TTC27: variants seen among roughly 807,000 people sequenced by gnomAD.
The protein encoded by TTC27 is tetratricopeptide repeat domain 27.
Under a neutral mutation model 115.9 loss-of-function variants are expected in TTC27, and 79 were observed. The ratio of observed to expected loss-of-function variants is 0.68; its 90% CI spans 0.57 to 0.82. The LOEUF (loss-of-function observed/expected upper bound fraction) is 0.82, where lower values mean the gene tolerates loss of function less well. Among genes scored for constraint, TTC27 ranks in the 40% least tolerant of loss-of-function variants. The pLI is 0.00. For missense variants in TTC27, 1,054 were observed against 993.1 expected (o/e 1.06, Z -0.82); for synonymous variants, 401 against 356.0 (o/e 1.13, Z -1.42).
intron 9 of TTC27, among the ~76,000 whole-genome samples, chr2:32,688,606 T>C (rs1014611589): frequency 6.6e-6 from 1 of 152,086 alleles, no homozygotes; most frequent in Non-Finnish European, 1.5e-5. Flanking sequence ...GATAAAATAT[T>C]TGAACAGACA....
intron 10 of TTC27, among the ~76,000 whole-genome samples, chr2:32,725,406 G>A (rs1251527266): frequency 1.3e-5 from 2 of 151,872 alleles, no homozygotes; most frequent in Non-Finnish European, 2.9e-5. Flanking sequence ...TTCCAAATGG[G>A]AGAAATTGAC....
chr2:32,661,186 T>G (rs896266434), intron 5 of TTC27, among the ~76,000 whole-genome samples: 3 of 152,208 alleles, frequency 2.0e-5, no homozygotes, highest in Admixed American at 2.0e-4. Context: ...GCAGTATAGT[T>G]TGAAGTCAGG....
chr2:32,765,777 A>C (rs533826294), intron 13 of TTC27, among the ~76,000 whole-genome samples: 10 of 152,270 alleles, frequency 6.6e-5, no homozygotes, highest in Non-Finnish European at 1.5e-4. Flanking sequence ...TTCATTGTGC[A>C]CTTTTATGTT....
Position 32,672,342 on chromosome 2 carries a change from C to T in TTC27, c.1010C>T (p.Pro337Leu), listed in dbSNP as rs377484688. Residue 337 changes from proline (P) to leucine (L), a missense_variant, in exon 8 of 20, where the codon CCG (proline) becomes CTG (leucine). Coordinates refer to ENST00000317907, the MANE Select transcript of TTC27 (RefSeq NM_017735.5). ...GCAGATTGTGAACAGTTCCAGATGCCGGATCTGTGTGCTGAAGAGATCGCT... is the reference window on the plus strand; with the variant it reads ...GCAGATTGTGAACAGTTCCAGATGCTGGATCTGTGTGCTGAAGAGATCGCT... ...KLADCEQFQM[P>L]DLCAEEIAII... is the part of the protein sequence containing the mutation. 107 of 1,613,674 alleles carry T rather than the reference C, an allele frequency of 6.6e-5. No homozygotes were observed. Among genetic ancestry groups the T allele is most frequent in the Middle Eastern group, 1.6e-4 (1 of 6,082 alleles).
intron 13 of TTC27, among the ~76,000 whole-genome samples, chr2:32,760,675 A>G (rs1669405016): frequency 6.6e-6 from 1 of 152,144 alleles, no homozygotes; most frequent in South Asian, 2.1e-4. Context: ...AAACTGTATC[A>G]TATCCTTGCA....
chr2:32,646,556 GGTT>G (rs1400091737), intron 4 of TTC27, among the ~76,000 whole-genome samples: 4 of 110,892 alleles, frequency 3.6e-5, no homozygotes, highest in African/African-American at 1.1e-4. Flanking sequence ...TTCTATATTT[GGTT>G]TTTTTTTTTT....
At chr2:32,802,145 A>T (rs1242511171) in intron 16 of TTC27, among the ~76,000 whole-genome samples, 2 of 152,160 alleles carry the variant, frequency 1.3e-5, no homozygotes, top group African/African-American at 4.8e-5. Context: ...TTAAAGAATT[A>T]TCTTTGGAGT....
intron 12 of TTC27, among the ~76,000 whole-genome samples, chr2:32,739,218 C>T (rs184459226): frequency 5.4e-4 from 82 of 152,266 alleles, no homozygotes; most frequent in Non-Finnish European, 4.4e-5. Context: ...TCATTCTTTA[C>T]TGTGCTAGTC....
chr2:32,778,374 A>G (rs1285235729), intron 14 of TTC27, among the ~76,000 whole-genome samples: 1 of 152,200 alleles, frequency 6.6e-6, no homozygotes, highest in East Asian at 1.9e-4. Context: ...TATTTAATAT[A>G]TACAATTCAA....
chr2:32,805,392 A>G (rs527924673), intron 16 of TTC27, among the ~76,000 whole-genome samples: 1 of 152,338 alleles, frequency 6.6e-6, no homozygotes, highest in Admixed American at 6.5e-5. Flanking sequence ...ATCCAGCTTC[A>G]TGACTCACTT....
chr2:32,785,956 G>C (rs1281704482), intron 15 of TTC27, among the ~76,000 whole-genome samples: 1 of 151,742 alleles, frequency 6.6e-6, no homozygotes, highest in African/African-American at 2.4e-5. Flanking sequence ...ACATCTCCTT[G>C]TTCTTATTTC....
chr2:32,636,504 C>T lies in TTC27; in HGVS notation c.396+2499C>T, dbSNP rs536496939. ...GTTAGGATTATGGTGTGAGCCACTG[C>T]GCCTGGCCTTAATTCACATTTCTTG... On this transcript the variant is annotated intron_variant, in intron 3 of 19. Transcript: ENST00000317907. Among the ~76,000 whole-genome samples the T allele has an allele frequency of 5.9e-5, 9 of 152,238 alleles. No individual in the cohort carries two copies. In the South Asian group the frequency reaches 1.5e-3, roughly 25 times the overall value.
chr2:32,670,949 GTCT>G (rs1456550187), intron 7 of TTC27, among the ~76,000 whole-genome samples: 3 of 104,742 alleles, frequency 2.9e-5, no homozygotes, highest in African/African-American at 7.9e-5. Flanking sequence ...TGAGTTGTTT[GTCT>G]TCTTATTGAG....
intron 10 of TTC27, among the ~76,000 whole-genome samples, chr2:32,731,443 T>G (rs1668288954): frequency 6.6e-6 from 1 of 152,122 alleles, no homozygotes; most frequent in South Asian, 2.1e-4. Context: ...GGCACAAACC[T>G]AGCTCACTGC....
intron 5 of TTC27, among the ~76,000 whole-genome samples, chr2:32,659,820 C>T (rs538206728): frequency 6.6e-6 from 1 of 152,126 alleles, no homozygotes; most frequent in Non-Finnish European, 1.5e-5. Context: ...TCAGCTTCAT[C>T]CATGTCCCTG....
At chr2:32,703,600 A>G (rs1667265945) in intron 10 of TTC27, among the ~76,000 whole-genome samples, 1 of 152,232 alleles carries the variant, frequency 6.6e-6, no homozygotes, top group Non-Finnish European at 1.5e-5. Flanking sequence ...ATCCTGATGC[A>G]AAAAATATTC....
chr2:32,644,820 C>T (rs1664791124), intron 4 of TTC27, among the ~76,000 whole-genome samples: 1 of 149,420 alleles, frequency 6.7e-6, no homozygotes. Context: ...TCCCTCCCTC[C>T]CTCCCTCCTT....
At position 32,733,809 on chromosome 2, in the gene TTC27, G is replaced by A. The variant is rs754021509; in HGVS notation, c.1234-19G>A. On this transcript the variant is annotated intron_variant, in intron 10 of 19. Coordinates refer to ENST00000317907, the MANE Select transcript of TTC27 (RefSeq NM_017735.5). ...TAAGTTATACATATAGATTCTGATT[G>A]TGATATATGTCCTTTAAGGCTCTTG... 9 of 1,505,136 alleles carry A rather than the reference G, an allele frequency of 6.0e-6. No individual in the cohort carries two copies. In the African/African-American group the frequency reaches 1.2e-4, roughly 21 times the overall value. The allele number at this position is 1,505,136 out of a possible 1,614,324, so 93.2% of individuals were successfully genotyped here.
chr2:32,744,131 T>C (rs1399548891), intron 12 of TTC27, among the ~76,000 whole-genome samples: 2 of 152,248 alleles, frequency 1.3e-5, no homozygotes, highest in Non-Finnish European at 2.9e-5. Context: ...AGTGCTAAGA[T>C]AAAAGTATGT....
Sources: allele counts gnomAD v4.1 joint callset (sites outside exome capture counted in the v4.1 genomes callset), GRCh38; gene constraint gnomAD v4.1.1; transcripts MANE v1.5; gene names NCBI Gene and HGNC (gene_info 2026-07-23, HGNC 2026-07-21).